POPDC2: variants seen among roughly 807,000 people sequenced by gnomAD.
The protein encoded by POPDC2 is popeye domain cAMP effector 2, also known as popeye domain-containing protein 2.
POPDC2 carries 24 observed loss-of-function variants against 30.5 expected under a neutral mutation model. The ratio of observed to expected loss-of-function variants is 0.79; its 90% CI spans 0.57 to 1.11. The LOEUF (loss-of-function observed/expected upper bound fraction) is 1.11, where lower values mean the gene tolerates loss of function less well. Among genes scored for constraint, POPDC2 ranks in the 50% least tolerant of loss-of-function variants. The pLI is 0.00. For missense variants in POPDC2, 409 were observed against 447.0 expected (o/e 0.91, Z 0.77); for synonymous variants, 185 against 183.3 (o/e 1.01, Z -0.07).
At chr3:119,656,236 G>T (rs1345393746) in intron 1 of POPDC2, among the ~76,000 whole-genome samples, 3 of 152,140 alleles carry the variant, frequency 2.0e-5, no homozygotes, top group Non-Finnish European at 4.4e-5. Context: ...ACTACCTGAG[G>T]CTTAGGTGCA....
At chr3:119,652,325 G>C (rs1443731336) in intron 2 of POPDC2, among the ~76,000 whole-genome samples, 2 of 152,198 alleles carry the variant, frequency 1.3e-5, no homozygotes, top group Admixed American at 1.3e-4. Flanking sequence ...AATTTAGGCT[G>C]TCACTGTGGA....
chr3:119,653,404 T>C (rs992994231), intron 2 of POPDC2, among the ~76,000 whole-genome samples: 2 of 151,756 alleles, frequency 1.3e-5, no homozygotes, highest in African/African-American at 4.8e-5. Context: ...GGAACCTGCA[T>C]TGGAGCATGT....
intron 1 of POPDC2, among the ~76,000 whole-genome samples, chr3:119,659,166 A>G (rs975604365): frequency 1.3e-5 from 2 of 152,200 alleles, no homozygotes; most frequent in Non-Finnish European, 2.9e-5. Context: ...CCTGACTAAG[A>G]CCATTTCTGC....
intron 2 of POPDC2, among the ~76,000 whole-genome samples, chr3:119,653,907 GAACA>G (rs1407060995): frequency 1.3e-5 from 2 of 152,212 alleles, no homozygotes; most frequent in African/African-American, 4.8e-5. Context: ...CAGATTATTA[GAACA>G]GACAGCAAGA....
In POPDC2 at chr3:119,659,987, T is replaced by C. The variant is rs904629990; in HGVS notation, c.437A>G (p.Tyr146Cys). ...GATGGGTGTCTCACCCTCCACAGCA[T>C]AGGTCTGTTCAGTGGCCAGAGTTAA... is the stretch of plus-strand genomic sequence containing the variant. ...QVLTLATEQT[Y>C]AVEGETPINR... Residue 146 changes from tyrosine (Y) to cysteine (C), a missense_variant, in exon 1 of 4, where the codon TAT becomes TGT. Physicochemically the swap from Tyr to Cys is radical, Grantham distance 194. Coordinates refer to ENST00000493094, the MANE Select transcript of POPDC2 (RefSeq NM_001369919.2). The C allele has an allele frequency of 8.7e-6, 14 of 1,613,106 alleles. No homozygotes were observed. The highest frequency in any genetic ancestry group is 4.0e-5 in the African/African-American group (3 of 74,930).
intron 2 of POPDC2, among the ~76,000 whole-genome samples, chr3:119,651,406 T>A (rs1174407467): frequency 1.3e-5 from 2 of 152,080 alleles, no homozygotes; most frequent in African/African-American, 4.8e-5. Flanking sequence ...TAACAAATTA[T>A]ATAATTTACT....
At chr3:119,646,366 C>T (rs1463207290) in intron 3 of POPDC2, among the ~76,000 whole-genome samples, 1 of 152,142 alleles carries the variant, frequency 6.6e-6, no homozygotes, top group East Asian at 1.9e-4. Context: ...CATGGTGGCT[C>T]ATGCCTGTAA....
intron 3 of POPDC2, among the ~76,000 whole-genome samples, chr3:119,646,538 C>G (rs1428600420): frequency 6.6e-6 from 1 of 152,068 alleles, no homozygotes; most frequent in Non-Finnish European, 1.5e-5. Context: ...ACTTGGGAGG[C>G]TGGGATGGGA....
chr3:119,659,549 G>GAAAAA (rs2052916891), intron 1 of POPDC2, among the ~76,000 whole-genome samples: 1 of 152,228 alleles, frequency 6.6e-6, no homozygotes, highest in South Asian at 2.1e-4. Flanking sequence ...TAACCTTATT[G>GAAAAA]AAATGTTAGT....
chr3:119,648,964 C>T (rs1436954857), intron 2 of POPDC2, among the ~76,000 whole-genome samples: 1 of 152,170 alleles, frequency 6.6e-6, no homozygotes, highest in Non-Finnish European at 1.5e-5. Flanking sequence ...TCTGTGGTTC[C>T]GTGGCTAATG....
chr3:119,648,760 T>C (rs1577168463), intron 2 of POPDC2, 92 bp from the exon 3 acceptor site: 8 of 1,163,752 alleles, frequency 6.9e-6, no homozygotes, highest in Middle Eastern at 2.1e-4. Flanking sequence ...GGCAAACAGC[T>C]GTACTTTTAC....
intron 3 of POPDC2, among the ~76,000 whole-genome samples, chr3:119,645,428 G>A (rs913017816): frequency 6.6e-6 from 1 of 152,200 alleles, no homozygotes; most frequent in African/African-American, 2.4e-5. Context: ...CAGGCACGGT[G>A]GCGGGCGCCT....
At chr3:119,657,487 A>G (rs551755487) in intron 1 of POPDC2, among the ~76,000 whole-genome samples, 16 of 152,362 alleles carry the variant, frequency 1.1e-4, no homozygotes, top group Middle Eastern at 3.4e-3. Flanking sequence ...GGGGAAAAGA[A>G]GGAAAGAAGG....
At chr3:119,642,596 A>G in intron 3 of POPDC2, 35 bp from the exon 4 acceptor site, 1 of 1,393,264 alleles carries the variant, frequency 7.2e-7, no homozygotes, top group Non-Finnish European at 1.0e-6. Context: ...TTTTAGCACT[A>G]TGTCTCTGGA....
In POPDC2 at chr3:119,649,634, AATGATG is replaced by A. The variant is rs1000097189; in HGVS notation, c.601-972_601-967del. 1.4e-4 allele frequency among the ~76,000 whole-genome samples: 22 copies of A among 152,302 alleles called. 1 individual carries two copies. Among genetic ancestry groups the A allele is most frequent in the African/African-American group, 5.3e-4 (22 of 41,562 alleles). On this transcript the variant is annotated intron_variant, in intron 2 of 3. Coordinates refer to ENST00000493094, the MANE Select transcript of POPDC2 (RefSeq NM_001369919.2). ...TATTTTTGTGGATGGAGACAGTGGA[AATGATG>A]ATGATAATGATGTTAGCAGCTAATA... is the stretch of plus-strand genomic sequence containing the variant.
chr3:119,659,117 C>T (rs569226260), intron 1 of POPDC2, among the ~76,000 whole-genome samples: 2 of 152,244 alleles, frequency 1.3e-5, no homozygotes, highest in Admixed American at 6.5e-5. Context: ...GAAATCAATG[C>T]CCAACATTCA....
chr3:119,650,846 A>T (rs1473626922), intron 2 of POPDC2, among the ~76,000 whole-genome samples: 1 of 152,244 alleles, frequency 6.6e-6, no homozygotes, highest in Non-Finnish European at 1.5e-5. Context: ...ATCTCCATTC[A>T]AATGTCCACA....
At chr3:119,646,467 C>CA (rs928106150) in intron 3 of POPDC2, among the ~76,000 whole-genome samples, 2 of 151,862 alleles carry the variant, frequency 1.3e-5, no homozygotes, top group Admixed American at 6.6e-5. Flanking sequence ...TTTGTCTCTA[C>CA]AAAAAAATTT....
chr3:119,646,388 C>T (rs1052025974), intron 3 of POPDC2, among the ~76,000 whole-genome samples: 1 of 151,984 alleles, frequency 6.6e-6, no homozygotes, highest in East Asian at 1.9e-4. Context: ...CCTAACACTT[C>T]GGGAGACCAA....
Sources: gnomAD v4.1 joint callset for allele counts (sites outside exome capture counted in the v4.1 genomes callset) on GRCh38, gnomAD v4.1.1 for gene constraint, MANE v1.5 for transcripts, NCBI Gene and HGNC (gene_info 2026-07-23, HGNC 2026-07-21) for gene names.